CEMIP: variants seen among roughly 807,000 people sequenced by gnomAD.
The protein encoded by CEMIP is cell migration inducing hyaluronidase 1.
CEMIP carries 105 observed loss-of-function variants against 156.9 expected under a neutral mutation model. The ratio of observed to expected loss-of-function variants is 0.67; its 90% confidence interval spans 0.57 to 0.79. The LOEUF is 0.79. Ranked by LOEUF, CEMIP falls within the 30% of genes least tolerant of loss-of-function variation. The pLI is 0.00. For missense variants in CEMIP, 1,457 were observed against 1,769.4 expected (o/e 0.82, Z 3.17); for synonymous variants, 676 against 668.4 (o/e 1.01, Z -0.17).
rs1900944373 is a variant in CEMIP, at chr15:80,932,197, A to C, written c.2793+158A>C. ...CCATGTCCCAGTTTGCTCTTCATCC[A>C]AACTGGAAAAGTACAAGCGTAGGTT... On this transcript the variant is annotated intron_variant, in intron 22 of 29. Coordinates refer to ENST00000394685, the MANE Select transcript of CEMIP (RefSeq NM_001293298.2). This position sits in a 1 kb window ranked among gnomAD's most constrained non-coding sequence, Gnocchi z 4.5. Among the ~76,000 whole-genome samples the C allele has an allele frequency of 6.6e-6, 1 of 152,196 alleles. No individual in the cohort carries two copies. Among genetic ancestry groups the C allele is most frequent in the Non-Finnish European group, 1.5e-5 (1 of 68,030 alleles).
At chr15:80,905,872 G>A (rs1899779337) in intron 12 of CEMIP, among the ~76,000 whole-genome samples, 2 of 152,104 alleles carry the variant, frequency 1.3e-5, no homozygotes, top group African/African-American at 4.8e-5. Context: ...GAGGAAGGGT[G>A]GGGGATGGTG....
At chr15:80,830,532 T>G (rs1596118016) in intron 1 of CEMIP, among the ~76,000 whole-genome samples, 1 of 152,266 alleles carries the variant, frequency 6.6e-6, no homozygotes, top group East Asian at 1.9e-4. Context: ...GGGATCAACC[T>G]TCCTATCCCC....
At chr15:80,837,064 A>G (rs961558287) in intron 1 of CEMIP, among the ~76,000 whole-genome samples, 3 of 152,174 alleles carry the variant, frequency 2.0e-5, no homozygotes, top group Non-Finnish European at 4.4e-5. Context: ...TCCCTATTCT[A>G]TCTGCAATCA....
intron 28 of CEMIP, among the ~76,000 whole-genome samples, chr15:80,943,460 C>G (rs1901419963): frequency 6.6e-6 from 1 of 152,240 alleles, no homozygotes; most frequent in African/African-American, 2.4e-5. Flanking sequence ...GATCTCCTTC[C>G]TAAGCACCAG....
chr15:80,854,342 A>G (rs1173654803), intron 1 of CEMIP, among the ~76,000 whole-genome samples: 3 of 152,232 alleles, frequency 2.0e-5, no homozygotes, highest in East Asian at 1.9e-4. Context: ...TCTCCTGGCT[A>G]TAAACCAAGC....
At chr15:80,848,900 G>GCGCACACACACACACACACACA (rs1555430239) in intron 1 of CEMIP, among the ~76,000 whole-genome samples, 1 of 134,576 alleles carries the variant, frequency 7.4e-6, no homozygotes, top group African/African-American at 3.0e-5. Context: ...GTGTGCGCGT[G>GCGCACACACACACACACACACA]CACACACACA....
intron 3 of CEMIP, among the ~76,000 whole-genome samples, chr15:80,877,555 C>T (rs1002358041): frequency 1.3e-5 from 2 of 152,232 alleles, no homozygotes; most frequent in African/African-American, 2.4e-5. Flanking sequence ...AGTTCATTCT[C>T]ATCTTGTTTT....
At chr15:80,907,761 CA>C (rs145876032) in intron 13 of CEMIP, among the ~76,000 whole-genome samples, 9,205 of 152,260 alleles carry the variant, frequency 0.06, 896 homozygotes, top group African/African-American at 0.21. Flanking sequence ...TATCACAATG[CA>C]AAGTGCCTTT....
intron 1 of CEMIP, among the ~76,000 whole-genome samples, chr15:80,846,430 A>G (rs1897559263): frequency 6.6e-6 from 1 of 152,220 alleles, no homozygotes; most frequent in Admixed American, 6.5e-5. Context: ...ATCACCTGTC[A>G]GTAGTGCTTA....
In CEMIP at chr15:80,884,367, A is replaced by G; in HGVS notation, c.797+13A>G. 1 of 1,613,836 alleles carries G rather than the reference A, an allele frequency of 6.2e-7. No individual in the cohort carries two copies. The highest frequency in any genetic ancestry group is 8.5e-7 in the Non-Finnish European group (1 of 1,179,932). On this transcript the variant is annotated intron_variant, in intron 7 of 29. Coordinates refer to ENST00000394685, the MANE Select transcript of CEMIP (RefSeq NM_001293298.2). ...ACCTTGGATTTAGGTACTGCCCCTCACTTCGGCTTCCACTGGGCTCTGGAA... is the reference window on the plus strand; with the variant it reads ...ACCTTGGATTTAGGTACTGCCCCTCGCTTCGGCTTCCACTGGGCTCTGGAA...
intron 1 of CEMIP, among the ~76,000 whole-genome samples, chr15:80,844,411 G>A (rs182543582): frequency 3.9e-5 from 6 of 152,348 alleles, no homozygotes; most frequent in Admixed American, 3.9e-4. Context: ...GGGGGCAGGA[G>A]GGGGTGGAAA....
chr15:80,851,016 ACT>A (rs1314984074), intron 1 of CEMIP, among the ~76,000 whole-genome samples: 2 of 152,036 alleles, frequency 1.3e-5, no homozygotes, highest in Non-Finnish European at 2.9e-5. Context: ...CTGACTTCAG[ACT>A]CTCTCTATCT....
At chr15:80,874,548 C>T (rs1182256296) in intron 3 of CEMIP, among the ~76,000 whole-genome samples, 1 of 152,128 alleles carries the variant, frequency 6.6e-6, no homozygotes, top group East Asian at 1.9e-4. Context: ...GGTCTCAATG[C>T]TCCCTTCCTG....
Position 80,949,225 on chromosome 15 carries a change from T to C in CEMIP, c.*301T>C, listed in dbSNP as rs569284115. On this transcript the variant is annotated 3_prime_UTR_variant, in exon 30 of 30. Transcript: ENST00000394685. ...CTCTTCAGTGGGGGTTTGGGGACCA[T>C]ATCAGGAGACCTGGGTTGTGCTGAC... 1 of 438,064 alleles carries C rather than the reference T, an allele frequency of 2.3e-6. No individual in the cohort carries two copies. The highest frequency in any genetic ancestry group is 3.5e-5 in the Admixed American group (1 of 28,850). 27.1% of individuals were successfully genotyped at this position (438,064 alleles called of 1,614,324 possible).
intron 1 of CEMIP, among the ~76,000 whole-genome samples, chr15:80,870,053 G>C (rs919287788): frequency 5.9e-5 from 9 of 152,186 alleles, no homozygotes; most frequent in Non-Finnish European, 1.3e-4. Flanking sequence ...AATTTACAGT[G>C]CATCATCCCA....
chr15:80,837,457 C>T (rs1463435682), intron 1 of CEMIP, among the ~76,000 whole-genome samples: 1 of 152,158 alleles, frequency 6.6e-6, no homozygotes, highest in East Asian at 1.9e-4. Flanking sequence ...ACACAGGCAC[C>T]AGCTCATGTC....
rs141574058 is a variant in CEMIP, at chr15:80,877,593, C to T, written c.95-1128C>T. On this transcript the variant is annotated intron_variant, in intron 3 of 29. Transcript: ENST00000394685. Reference sequence around the variant, plus strand: ...CCATTGTCTCTTCCCACCTGTTTCCCTCTGGATTTTCCATGCTATTGATGG... The same window carrying T: ...CCATTGTCTCTTCCCACCTGTTTCCTTCTGGATTTTCCATGCTATTGATGG... 1.8e-3 allele frequency among the ~76,000 whole-genome samples: 270 copies of T among 152,330 alleles called. 1 individual carries two copies. The highest frequency in any genetic ancestry group is 6.2e-3 in the African/African-American group (259 of 41,572).
rs527352764 is a variant in CEMIP at position 80,853,182 on chromosome 15, T to C, written c.-175-20356T>C. Among the ~76,000 whole-genome samples, 13 of 152,216 alleles carry C rather than the reference T, an allele frequency of 8.5e-5. No homozygotes were observed. In the South Asian group the frequency reaches 2.5e-3, roughly 29 times the overall value. On this transcript the variant is annotated intron_variant, in intron 1 of 29. Coordinates refer to ENST00000394685, the MANE Select transcript of CEMIP (RefSeq NM_001293298.2). ...TGGGAGAAAAAAGTCAGATCACTCA[T>C]GTATGGGCTGAAGAACTAAGACTTT...
chr15:80,863,624 AATT>A (rs2141774324), intron 1 of CEMIP, among the ~76,000 whole-genome samples: 1 of 152,342 alleles, frequency 6.6e-6, no homozygotes, highest in Admixed American at 6.5e-5. Flanking sequence ...AATTAAAACA[AATT>A]ATGCATTTCA....
Sources: gnomAD v4.1 joint callset for allele counts (sites outside exome capture counted in the v4.1 genomes callset) on GRCh38, gnomAD v4.1.1 for gene constraint, Gnocchi (gnomAD v3.1) non-coding constraint, MANE v1.5 for transcripts, NCBI Gene and HGNC (gene_info 2026-07-23, HGNC 2026-07-21) for gene names.